HS3ST4: variants seen among roughly 807,000 people sequenced by gnomAD.
The protein encoded by HS3ST4 is heparan sulfate glucosamine 3-O-sulfotransferase 4.
HS3ST4 carries 17 observed loss-of-function variants against 29.2 expected under a neutral mutation model. The ratio of observed to expected loss-of-function variants is 0.58; its 90% CI spans 0.40 to 0.87. HS3ST4 has a LOEUF of 0.87. HS3ST4 is among the 40% of genes least tolerant of loss of function. The probability of loss-of-function intolerance (pLI) is 0.00; values close to 1 mark genes in which losing one functional copy is unlikely to be tolerated. For missense variants in HS3ST4, 627 were observed against 634.5 expected, an observed-to-expected ratio of 0.99 and a Z score of 0.13; for synonymous variants, 314 against 285.7, an observed-to-expected ratio of 1.10 and a Z score of -1.00.
At chr16:26,094,913 G>C (rs1898903996) in intron 1 of HS3ST4, among the ~76,000 whole-genome samples, 1 of 147,900 alleles carries the variant, frequency 6.8e-6, no homozygotes, top group Non-Finnish European at 1.5e-5. Flanking sequence ...TAAAGGGATG[G>C]AGGAAGATCT....
intron 1 of HS3ST4, among the ~76,000 whole-genome samples, chr16:25,923,621 T>C (rs941600903): frequency 7.3e-5 from 11 of 151,006 alleles, no homozygotes; most frequent in Non-Finnish European, 1.3e-4. Context: ...CAAATTAAAA[T>C]ATATGTGTGT....
chr16:25,918,456 G>A (rs1397312134), intron 1 of HS3ST4, among the ~76,000 whole-genome samples: 1 of 152,204 alleles, frequency 6.6e-6, no homozygotes, highest in Non-Finnish European at 1.5e-5. Flanking sequence ...AGCACTACAT[G>A]GTTAAGCATG....
chr16:25,957,391 A>G (rs1382549379), intron 1 of HS3ST4, among the ~76,000 whole-genome samples: 1 of 147,654 alleles, frequency 6.8e-6, no homozygotes, highest in Non-Finnish European at 1.5e-5. Flanking sequence ...AATGTAGCCT[A>G]TGAAAGATCA....
At chr16:25,748,051 GCTA>G (rs1966695623) in intron 1 of HS3ST4, among the ~76,000 whole-genome samples, 1 of 152,130 alleles carries the variant, frequency 6.6e-6, no homozygotes, top group Non-Finnish European at 1.5e-5. Flanking sequence ...GGGAGGAATG[GCTA>G]CTTTCTCACT....
At chr16:25,709,980 T>G (rs1212245539) in intron 1 of HS3ST4, among the ~76,000 whole-genome samples, 2 of 152,082 alleles carry the variant, frequency 1.3e-5, no homozygotes. Context: ...TCGCTTCAAG[T>G]GGAGAGGGAG....
At chr16:25,768,700 C>T (rs1003622278) in intron 1 of HS3ST4, among the ~76,000 whole-genome samples, 1 of 152,108 alleles carries the variant, frequency 6.6e-6, no homozygotes. Context: ...CTGAGGTCCT[C>T]CCTGTCTCAG....
At chr16:25,961,353 G>A (rs1596627485) in intron 1 of HS3ST4, among the ~76,000 whole-genome samples, 1 of 152,150 alleles carries the variant, frequency 6.6e-6, no homozygotes, top group Admixed American at 6.6e-5. Context: ...ATGTCCATTA[G>A]TACCTTATTG....
intron 1 of HS3ST4, among the ~76,000 whole-genome samples, chr16:26,015,359 T>TG (rs534120366): frequency 1.1e-3 from 163 of 152,298 alleles, no homozygotes; most frequent in African/African-American, 3.9e-3. Context: ...TGGTGGGGAA[T>TG]GGGGGTCCCA....
Position 25,994,891 on chromosome 16 carries a change from C to T in HS3ST4, c.735-140721C>T, listed in dbSNP as rs1208157795. Among the ~76,000 whole-genome samples, 5 of 152,156 alleles carry T rather than the reference C, an allele frequency of 3.3e-5. No individual in the cohort carries two copies. In the East Asian group the frequency reaches 5.8e-4, roughly 18 times the overall value. On this transcript the variant is annotated intron_variant, in intron 1 of 1. Coordinates refer to ENST00000331351, the MANE Select transcript of HS3ST4 (RefSeq NM_006040.3). Reference sequence around the variant, plus strand: ...AACTGTCTTTCTGCTCTTTTAACTCCGATGGATTTTTCTTTTCACTTCAAT... The same window carrying T: ...AACTGTCTTTCTGCTCTTTTAACTCTGATGGATTTTTCTTTTCACTTCAAT...
At chr16:25,808,722 C>G (rs1482088079) in intron 1 of HS3ST4, among the ~76,000 whole-genome samples, 1 of 152,154 alleles carries the variant, frequency 6.6e-6, no homozygotes, top group African/African-American at 2.4e-5. Flanking sequence ...CTTTACTGTG[C>G]TGCTGAGTCT....
At chr16:26,125,941 T>A (rs908082679) in intron 1 of HS3ST4, among the ~76,000 whole-genome samples, 4 of 152,236 alleles carry the variant, frequency 2.6e-5, no homozygotes, top group African/African-American at 9.6e-5. Flanking sequence ...ACTCAGTGTA[T>A]TTTGCTAGTT....
chr16:25,837,627 G>A (rs376107762), intron 1 of HS3ST4, among the ~76,000 whole-genome samples: 2 of 151,964 alleles, frequency 1.3e-5, no homozygotes, highest in South Asian at 2.1e-4. Context: ...TTTGTAAGGC[G>A]CATGTTAGGG....
chr16:26,023,995 C>T (rs2141748677), intron 1 of HS3ST4, among the ~76,000 whole-genome samples: 1 of 152,210 alleles, frequency 6.6e-6, no homozygotes, highest in Non-Finnish European at 1.5e-5. Context: ...GAGGCTGAGG[C>T]AGGTGTATCA....
chr16:25,852,213 G>T (rs1481123762), intron 1 of HS3ST4, among the ~76,000 whole-genome samples: 2 of 152,262 alleles, frequency 1.3e-5, no homozygotes, highest in East Asian at 3.9e-4. Context: ...TCTTGGAATA[G>T]CCTGTCCATC....
At chr16:26,086,235 A>G (rs565912690) in intron 1 of HS3ST4, among the ~76,000 whole-genome samples, 100 of 152,306 alleles carry the variant, frequency 6.6e-4, no homozygotes, top group African/African-American at 2.3e-3. Context: ...TAGTCCTTAT[A>G]AATATAAATA....
chr16:25,816,994 AC>A (rs1967098187), intron 1 of HS3ST4, among the ~76,000 whole-genome samples: 1 of 152,150 alleles, frequency 6.6e-6, no homozygotes, highest in Non-Finnish European at 1.5e-5. Context: ...TAAAGGCCCC[AC>A]CTCTCAATAC....
chr16:26,083,926 G>A (rs1898754357), intron 1 of HS3ST4, among the ~76,000 whole-genome samples: 1 of 152,202 alleles, frequency 6.6e-6, no homozygotes, highest in Admixed American at 6.5e-5. Context: ...GTGGGATCCA[G>A]GGGGAAGAAA....
intron 1 of HS3ST4, among the ~76,000 whole-genome samples, chr16:25,845,408 C>A (rs1453409936): frequency 6.6e-6 from 1 of 152,018 alleles, no homozygotes; most frequent in Non-Finnish European, 1.5e-5. Context: ...ATTCTGGAGG[C>A]CGAGGCAGGA....
At chr16:25,803,019 AT>A (rs1966954732) in intron 1 of HS3ST4, among the ~76,000 whole-genome samples, 1 of 151,088 alleles carries the variant, frequency 6.6e-6, no homozygotes, top group Admixed American at 6.6e-5. Context: ...ATACATATAT[AT>A]TTCTCTTTCT....
Sources: gnomAD v4.1 joint callset for allele counts (sites outside exome capture counted in the v4.1 genomes callset) on GRCh38, gnomAD v4.1.1 for gene constraint, MANE v1.5 for transcripts, NCBI Gene and HGNC (gene_info 2026-07-23, HGNC 2026-07-21) for gene names.